MYOF: variants seen among roughly 807,000 people sequenced by gnomAD.
MYOF encodes fer-1-like 3, myoferlin.
MYOF carries 244 observed loss-of-function variants against 284.2 expected under a neutral mutation model. That is an observed-to-expected ratio of 0.86 (90% CI 0.77 to 0.95). MYOF has a LOEUF of 0.95. MYOF is among the 40% of genes least tolerant of loss of function. The pLI is 0.00. For synonymous variants in MYOF, 904 were observed against 919.7 expected, an observed-to-expected ratio of 0.98 and a Z score of 0.31; for missense variants, 2,496 against 2,560.6, an observed-to-expected ratio of 0.97 and a Z score of 0.54.
intron 39 of MYOF, among the ~76,000 whole-genome samples, chr10:93,339,580 G>A (rs1359159765): frequency 8.3e-6 from 1 of 120,804 alleles, no homozygotes; most frequent in African/African-American, 2.8e-5. Flanking sequence ...AGTGATTCTC[G>A]TGCCTCAGCC....
chr10:93,374,711 G>A (rs113565270), intron 23 of MYOF, 52 bp downstream of exon 23: 379 of 1,546,656 alleles, frequency 2.5e-4, no homozygotes, highest in Non-Finnish European at 3.1e-4. Context: ...GTGCCATTTC[G>A]CAGAGCCCTT....
chr10:93,322,507 T>C (rs1842886625), intron 48 of MYOF, among the ~76,000 whole-genome samples: 2 of 152,210 alleles, frequency 1.3e-5, no homozygotes, highest in African/African-American at 2.4e-5. Context: ...GATCAAGGCA[T>C]AGCCATCCAC....
At chr10:93,382,651 C>G (rs1189905862) in intron 19 of MYOF, among the ~76,000 whole-genome samples, 1 of 152,160 alleles carries the variant, frequency 6.6e-6, no homozygotes, top group Non-Finnish European at 1.5e-5. Flanking sequence ...TCTCTTGAAT[C>G]CATATCCTGC....
intron 16 of MYOF, among the ~76,000 whole-genome samples, chr10:93,394,443 C>CTTTTTTTTTTTT (rs1193314228): frequency 3.4e-5 from 2 of 58,860 alleles, no homozygotes; most frequent in Non-Finnish European, 7.5e-5. Flanking sequence ...TGGTCACCAT[C>CTTTTTTTTTTTT]TTGTCTTTTT....
chr10:93,462,487 A>G (rs2056907091), intron 1 of MYOF, among the ~76,000 whole-genome samples: 1 of 152,086 alleles, frequency 6.6e-6, no homozygotes, highest in Non-Finnish European at 1.5e-5. Flanking sequence ...TGGTTAGGTA[A>G]CTTGCTCAAG....
At chr10:93,352,507 C>T (rs1844571696) in intron 32 of MYOF, among the ~76,000 whole-genome samples, 1 of 152,228 alleles carries the variant, frequency 6.6e-6, no homozygotes, top group Non-Finnish European at 1.5e-5. Context: ...AACTTTGTCT[C>T]ACTATACTTA....
chr10:93,354,703 T>TCTCTCTCTCTCTCTCTCTCTCTCTC (rs1243618498), intron 31 of MYOF, among the ~76,000 whole-genome samples: 31 of 70,650 alleles, frequency 4.4e-4, no homozygotes, highest in African/African-American at 1.1e-3. Context: ...CTCTCTCTCT[T>TCTCTCTCTCTCTCTCTCTCTCTCTC]TGTGAGATAG....
intron 50 of MYOF, among the ~76,000 whole-genome samples, chr10:93,315,039 A>G (rs912406992): frequency 1.3e-5 from 2 of 152,190 alleles, no homozygotes; most frequent in African/African-American, 2.4e-5. Context: ...TGAGAGAGTG[A>G]GACTCTGTCT....
At chr10:93,313,857 C>T (rs1564610508) in intron 50 of MYOF, among the ~76,000 whole-genome samples, 2 of 152,050 alleles carry the variant, frequency 1.3e-5, no homozygotes, top group Admixed American at 6.6e-5. Flanking sequence ...GCAGAGATCG[C>T]ACCATTGTTC....
intron 30 of MYOF, among the ~76,000 whole-genome samples, chr10:93,356,116 A>G (rs1474314534): frequency 6.6e-6 from 1 of 152,172 alleles, no homozygotes; most frequent in Non-Finnish European, 1.5e-5. Context: ...AAATACAAAC[A>G]TAGGCTGTTG....
chr10:93,419,241 C>A (rs1200380288), intron 5 of MYOF, among the ~76,000 whole-genome samples: 1 of 152,028 alleles, frequency 6.6e-6, no homozygotes, highest in African/African-American at 2.4e-5. Context: ...CGGCTCACTG[C>A]AACCTCCGCC....
At chr10:93,340,710 T>C (rs1843859134) in intron 38 of MYOF, among the ~76,000 whole-genome samples, 1 of 152,142 alleles carries the variant, frequency 6.6e-6, no homozygotes, top group Admixed American at 6.5e-5. Flanking sequence ...CCATCAAAAC[T>C]GCTTTATTAT....
At chr10:93,387,680 A>G in intron 19 of MYOF, 117 bp downstream of exon 19, 2 of 774,788 alleles carry the variant, frequency 2.6e-6, no homozygotes. Context: ...TGTTGTAGAA[A>G]CATCCAGATG....
intron 50 of MYOF, among the ~76,000 whole-genome samples, chr10:93,316,339 G>C (rs1018521369): frequency 6.6e-6 from 1 of 151,906 alleles, no homozygotes; most frequent in Non-Finnish European, 1.5e-5. Flanking sequence ...AAATGGCGGG[G>C]GGGTTGGGGA....
intron 5 of MYOF, among the ~76,000 whole-genome samples, chr10:93,420,781 T>A (rs893337365): frequency 1.3e-5 from 2 of 152,338 alleles, no homozygotes; most frequent in African/African-American, 4.8e-5. Context: ...CTGTGACATT[T>A]ACATTTTATT....
intron 3 of MYOF, among the ~76,000 whole-genome samples, chr10:93,440,840 A>G (rs369638194): frequency 2.0e-5 from 3 of 152,142 alleles, no homozygotes; most frequent in African/African-American, 7.2e-5. Flanking sequence ...ATCTTTCTCC[A>G]GGGCTGTGGC....
Position 93,313,077 on chromosome 10 carries a change from C to G in MYOF, c.5832G>C (p.Lys1944Asn). 1 of 1,614,082 alleles carries G rather than the reference C, an allele frequency of 6.2e-7. No individual in the cohort carries two copies. The highest frequency in any genetic ancestry group is 8.5e-7 in the Non-Finnish European group (1 of 1,179,982). The change falls in exon 51 of 54, where the codon AAG (lysine) becomes AAC (asparagine). Residue 1944 changes from lysine to asparagine, a missense_variant. By Grantham distance (94) the Lys-to-Asn change is moderately conservative. Coordinates refer to ENST00000359263, the MANE Select transcript of MYOF (RefSeq NM_013451.4). ...AGCATGGCCACCATCCTTTCATGGACTTCTGCTCAAAGAGGGAGGCTGTCT... is the reference window on the plus strand; with the variant it reads ...AGCATGGCCACCATCCTTTCATGGAGTTCTGCTCAAAGAGGGAGGCTGTCT... ...KAKTASLFEQKSMKGWWPCYA... is the reference protein window; with the variant it reads ...KAKTASLFEQNSMKGWWPCYA...
chr10:93,328,096 C>T (rs926629623), intron 45 of MYOF, among the ~76,000 whole-genome samples: 4 of 152,200 alleles, frequency 2.6e-5, no homozygotes, highest in Non-Finnish European at 5.9e-5. Context: ...TACAATGTCA[C>T]GAATCAAGCT....
chr10:93,332,716 A>G (rs546687810), intron 43 of MYOF, among the ~76,000 whole-genome samples: 92 of 152,058 alleles, frequency 6.1e-4, no homozygotes, highest in African/African-American at 1.6e-3. Context: ...GCGTGGTGGC[A>G]GTTGCCTGTA....
Sources: gnomAD v4.1 joint callset for allele counts (sites outside exome capture counted in the v4.1 genomes callset) on GRCh38, gnomAD v4.1.1 for gene constraint, MANE v1.5 for transcripts, NCBI Gene and HGNC (gene_info 2026-07-23, HGNC 2026-07-21) for gene names.